The following SORT1 variants were observed in gnomAD, a reference collection of about 807,000 sequenced individuals.
SORT1 encodes the protein sortilin.
A neutral mutation model predicts 101.7 loss-of-function variants in SORT1; 39 were observed. That is an observed-to-expected ratio of 0.38 (90% CI 0.30 to 0.50). SORT1 has a LOEUF of 0.50. Among genes scored for constraint, SORT1 ranks in the 20% least tolerant of loss-of-function variants. The pLI, the probability that SORT1 is intolerant of heterozygous loss-of-function variation, is 0.90. For missense variants in SORT1, 878 were observed against 1,040.4 expected (o/e 0.84, Z 2.15); for synonymous variants, 396 against 393.7 (o/e 1.01, Z -0.07).
At position 109,310,737 on chromosome 1, in the gene SORT1, G is replaced by A. The variant is rs1224320501; in HGVS notation, c.*3306C>T. The A allele has an allele frequency of 6.6e-6, 1 of 152,586 alleles. No individual in the cohort carries two copies. The highest frequency in any genetic ancestry group is 1.5e-5 in the Non-Finnish European group (1 of 68,074). The allele number at this position is 152,586 out of a possible 1,614,324, so 9.5% of individuals were successfully genotyped here. On this transcript the variant is annotated 3_prime_UTR_variant, in exon 20 of 20. Coordinates refer to ENST00000256637, the MANE Select transcript of SORT1 (RefSeq NM_002959.7). ...GAAAGAGGGAATCTCTATCTGGATG[G>A]TTGGCCTGGAAACTAAATAATGACT...
At position 109,332,754 on chromosome 1, in the gene SORT1, G is replaced by T. The variant is rs563171220; in HGVS notation, c.1371+3486C>A. Among the ~76,000 whole-genome samples, 66 of 152,166 alleles carry T rather than the reference G, an allele frequency of 4.3e-4. No homozygotes were observed. In the Middle Eastern group the frequency reaches 0.014, roughly 31 times the overall value. ...GTAATCAAAACAGCATGGTACTGGC[G>T]TTAAAAACAAATAGACCAATGGAAC... On this transcript the variant is annotated intron_variant, in intron 11 of 19. Transcript: ENST00000256637.
chr1:109,338,882 C>CT (rs879587000), intron 10 of SORT1, among the ~76,000 whole-genome samples: 132 of 144,826 alleles, frequency 9.1e-4, no homozygotes, highest in East Asian at 1.8e-3. Context: ...GACTCTGATA[C>CT]TTTTTTTTTT....
At chr1:109,321,554 C>T (rs557849969) in intron 15 of SORT1, among the ~76,000 whole-genome samples, 24 of 152,288 alleles carry the variant, frequency 1.6e-4, no homozygotes, top group African/African-American at 5.3e-4. Flanking sequence ...CTTACTGAAA[C>T]AGAGAAGGGA....
At chr1:109,322,767 C>T (rs369573383) in intron 15 of SORT1, among the ~76,000 whole-genome samples, 165 bp downstream of exon 15, 48 of 152,064 alleles carry the variant, frequency 3.2e-4, no homozygotes, top group East Asian at 1.6e-3. Flanking sequence ...CTCGAACTCC[C>T]GGCCTCAAGT....
At chr1:109,316,046 G>C (rs900073192) in intron 17 of SORT1, among the ~76,000 whole-genome samples, 2 of 151,788 alleles carry the variant, frequency 1.3e-5, no homozygotes, top group Admixed American at 1.3e-4. Flanking sequence ...ACAGGAGTAA[G>C]CCACCATGCC....
intron 1 of SORT1, among the ~76,000 whole-genome samples, chr1:109,374,696 TGC>T (rs1463443306): frequency 6.6e-6 from 1 of 152,176 alleles, no homozygotes; most frequent in Non-Finnish European, 1.5e-5. Context: ...CTGTGGCTCA[TGC>T]CTGTAATCCC....
At chr1:109,387,962 AAAAG>A (rs1382651238) in intron 1 of SORT1, among the ~76,000 whole-genome samples, 6 of 152,180 alleles carry the variant, frequency 3.9e-5, no homozygotes, top group Non-Finnish European at 5.9e-5. Flanking sequence ...AAAAAAAAGA[AAAAG>A]AAAGAAAGGC....
At chr1:109,338,543 T>C (rs147730996) in intron 10 of SORT1, among the ~76,000 whole-genome samples, 1 of 152,180 alleles carries the variant, frequency 6.6e-6, no homozygotes, top group Admixed American at 6.5e-5. Flanking sequence ...AGCCATTGAG[T>C]AGAACACAAG....
At chr1:109,362,653 T>TA (rs1363911828) in intron 3 of SORT1, among the ~76,000 whole-genome samples, 2 of 152,054 alleles carry the variant, frequency 1.3e-5, no homozygotes, top group African/African-American at 2.4e-5. Context: ...ATATTGTAAA[T>TA]AAAAAAATCA....
At chr1:109,352,604 C>T (rs187628891) in intron 5 of SORT1, among the ~76,000 whole-genome samples, 14 of 152,294 alleles carry the variant, frequency 9.2e-5, no homozygotes, top group African/African-American at 3.4e-4. Flanking sequence ...TGTACTCTCA[C>T]CCACCATTCT....
intron 6 of SORT1, among the ~76,000 whole-genome samples, chr1:109,348,874 T>A (rs1649780992): frequency 6.6e-6 from 1 of 152,022 alleles, no homozygotes. Flanking sequence ...AAGGCTGAAG[T>A]GCGAGGATCA....
At chr1:109,369,013 A>G (rs1270609146) in intron 2 of SORT1, among the ~76,000 whole-genome samples, 1 of 152,162 alleles carries the variant, frequency 6.6e-6, no homozygotes, top group Non-Finnish European at 1.5e-5. Flanking sequence ...CCCACCGTGG[A>G]AGAAGGTGGT....
At chr1:109,383,455 A>C (rs961711639) in intron 1 of SORT1, among the ~76,000 whole-genome samples, 1 of 152,242 alleles carries the variant, frequency 6.6e-6, no homozygotes, top group Non-Finnish European at 1.5e-5. Context: ...AATCTACAGA[A>C]GTCAGCCTGT....
intron 3 of SORT1, among the ~76,000 whole-genome samples, chr1:109,356,166 C>T (rs558222997): frequency 2.6e-5 from 4 of 152,308 alleles, no homozygotes; most frequent in Admixed American, 6.5e-5. Flanking sequence ...GCCACTGTGC[C>T]CGGTCCTACA....
At chr1:109,326,429 A>G (rs1648029859) in intron 13 of SORT1, among the ~76,000 whole-genome samples, 1 of 7,156 alleles carries the variant, frequency 1.4e-4, no homozygotes, top group East Asian at 8.3e-3. Flanking sequence ...GACAGAAAGA[A>G]TATATATATA....
intron 7 of SORT1, 53 bp from the exon 8 acceptor site, chr1:109,345,934 C>G: frequency 2.0e-6 from 3 of 1,478,540 alleles, no homozygotes. Flanking sequence ...GAGCCTAGTT[C>G]AAAGCAGTTG....
Position 109,396,865 on chromosome 1 carries a change from T to A in SORT1, c.306+722A>T, listed in dbSNP as rs140581580. On this transcript the variant is annotated intron_variant, in intron 1 of 19. Coordinates refer to ENST00000256637, the MANE Select transcript of SORT1 (RefSeq NM_002959.7). The stretch of plus-strand genomic sequence containing the variant: ...AGGACTTTCTTAATAATTAGTTTTG[T>A]CAGTCCAGTAGTGTGCAAAGGTTGA... Among the ~76,000 whole-genome samples the A allele has an allele frequency of 2.2e-4, 34 of 152,370 alleles. No individual in the cohort carries two copies. The East Asian group carries it at 6.6e-3, about 29-fold the overall frequency.
intron 8 of SORT1, among the ~76,000 whole-genome samples, chr1:109,343,839 C>A (rs934182996): frequency 3.9e-5 from 6 of 152,116 alleles, no homozygotes; most frequent in African/African-American, 1.4e-4. Flanking sequence ...TTAGTAGAGA[C>A]AGGGTTTCGC....
chr1:109,337,627 T>C (rs1648922809), intron 10 of SORT1, among the ~76,000 whole-genome samples: 1 of 152,056 alleles, frequency 6.6e-6, no homozygotes, highest in Non-Finnish European at 1.5e-5. Context: ...GTGCCTACTA[T>C]GTGAAAACTC....
Sources: gnomAD v4.1 joint callset for allele counts (sites outside exome capture counted in the v4.1 genomes callset) on GRCh38, gnomAD v4.1.1 for gene constraint, MANE v1.5 for transcripts, NCBI Gene and HGNC (gene_info 2026-07-23, HGNC 2026-07-21) for gene names.